ADGRG6: variants seen among roughly 807,000 people sequenced by gnomAD.
ADGRG6 encodes adhesion G protein-coupled receptor G6.
A neutral mutation model predicts 142.4 loss-of-function variants in ADGRG6; 84 were observed. The observed-to-expected ratio is 0.59, with a 90% CI of 0.49 to 0.71. The LOEUF (loss-of-function observed/expected upper bound fraction) is 0.71. ADGRG6 is among the 30% of genes least tolerant of loss of function. ADGRG6 has a pLI of 0.00. For synonymous variants in ADGRG6, 521 were observed against 520.5 expected, an observed-to-expected ratio of 1.00 and a Z score of -0.01; for missense variants, 1,367 against 1,466.6, an observed-to-expected ratio of 0.93 and a Z score of 1.11.
intron 2 of ADGRG6, among the ~76,000 whole-genome samples, chr6:142,338,156 G>A (rs537761559): frequency 7.6e-4 from 114 of 150,924 alleles, no homozygotes; most frequent in African/African-American, 2.6e-3. Context: ...GAGTAGCTGC[G>A]ACTACAGGCG....
In ADGRG6 at chr6:142,397,538, A is replaced by G. The variant is rs1775263445; in HGVS notation, c.1425-75A>G. 14 of 1,392,614 alleles carry G rather than the reference A, an allele frequency of 1.0e-5. No individual in the cohort carries two copies. The East Asian group carries it at 3.3e-4, about 32-fold the overall frequency. 86.3% of individuals were successfully genotyped at this position (1,392,614 alleles called of 1,614,324 possible). A position where few individuals can be genotyped will look rare whatever the true frequency, so the allele number is the denominator to read the frequency against. Reference sequence around the variant, plus strand: ...GTGATGGTCATCCCTCTACATCCAAATACTCTGTTTCTCCTACCAAATGAC... The same window carrying G: ...GTGATGGTCATCCCTCTACATCCAAGTACTCTGTTTCTCCTACCAAATGAC... On this transcript the variant is annotated intron_variant, in intron 9 of 24. Coordinates refer to ENST00000367609, the MANE Select transcript of ADGRG6 (RefSeq NM_198569.3).
At chr6:142,387,116 A>G (rs1053319979) in intron 6 of ADGRG6, among the ~76,000 whole-genome samples, 1 of 152,168 alleles carries the variant, frequency 6.6e-6, no homozygotes, top group Non-Finnish European at 1.5e-5. Flanking sequence ...CTTTTCACAA[A>G]CAGATATTTC....
intron 4 of ADGRG6, among the ~76,000 whole-genome samples, chr6:142,380,120 G>C (rs1781695566): frequency 6.6e-6 from 1 of 152,120 alleles, no homozygotes. Context: ...GGAATGTCTG[G>C]GTTAAATAAA....
chr6:142,354,818 A>G (rs1379430291), intron 2 of ADGRG6, among the ~76,000 whole-genome samples: 1 of 152,244 alleles, frequency 6.6e-6, no homozygotes, highest in East Asian at 1.9e-4. Flanking sequence ...CTCAGTTTGC[A>G]TAATGGAACT....
intron 11 of ADGRG6, among the ~76,000 whole-genome samples, chr6:142,401,317 C>T (rs571110282): frequency 1.1e-3 from 175 of 152,214 alleles, no homozygotes; most frequent in African/African-American, 4.1e-3. Flanking sequence ...TTGGAAAATT[C>T]GTTGATTTAC....
intron 2 of ADGRG6, among the ~76,000 whole-genome samples, chr6:142,362,495 G>GTGTAGAAA (rs1224989396): frequency 1.3e-5 from 2 of 152,170 alleles, no homozygotes; most frequent in Non-Finnish European, 2.9e-5. Flanking sequence ...CCCTCCTCAA[G>GTGTAGAAA]TGTAGAAATG....
intron 2 of ADGRG6, among the ~76,000 whole-genome samples, chr6:142,341,427 A>AAT (rs1491525960): frequency 8.3e-6 from 1 of 120,640 alleles, no homozygotes; most frequent in Non-Finnish European, 1.6e-5. Context: ...ATAATTATAT[A>AAT]ATATATATAA....
intron 1 of ADGRG6, among the ~76,000 whole-genome samples, chr6:142,308,171 T>C (rs1346418106): frequency 1.3e-5 from 2 of 152,044 alleles, no homozygotes; most frequent in Non-Finnish European, 2.9e-5. Flanking sequence ...GAGTACTTGC[T>C]GAGTGTCAGG....
chr6:142,406,179 C>T (rs535973503), intron 15 of ADGRG6, among the ~76,000 whole-genome samples: 1 of 112,962 alleles, frequency 8.9e-6, no homozygotes, highest in Admixed American at 1.2e-4. Flanking sequence ...AATTGCACAC[C>T]AAAGGAAAGG....
chr6:142,377,675 A>T (rs1427043082), intron 4 of ADGRG6, among the ~76,000 whole-genome samples: 1 of 152,210 alleles, frequency 6.6e-6, no homozygotes, highest in Non-Finnish European at 1.5e-5. Context: ...TATCCAGGAG[A>T]GTGGATTGTT....
Position 142,307,333 on chromosome 6 carries a change from A to G in ADGRG6, c.3-2211A>G, listed in dbSNP as rs191429584. Among the ~76,000 whole-genome samples, 218 of 151,980 alleles carry G rather than the reference A, an allele frequency of 1.4e-3. 2 individuals carry two copies. Among genetic ancestry groups the G allele is most frequent in the African/African-American group, 5.0e-3 (208 of 41,476 alleles). ...TTGGTCTGTCTCTTTATTTTTCTGG[A>G]CCTAAGTTTCCTTTTTTTGTGAAAT... On this transcript the variant is annotated intron_variant, in intron 1 of 24. Coordinates refer to ENST00000367609, the MANE Select transcript of ADGRG6 (RefSeq NM_198569.3).
At chr6:142,350,517 G>A (rs1436142851) in intron 2 of ADGRG6, among the ~76,000 whole-genome samples, 1 of 152,176 alleles carries the variant, frequency 6.6e-6, no homozygotes, top group African/African-American at 2.4e-5. Context: ...ACCTGTGTGA[G>A]GAAGTTTATA....
At chr6:142,327,747 A>G (rs1226164871) in intron 2 of ADGRG6, among the ~76,000 whole-genome samples, 1 of 152,088 alleles carries the variant, frequency 6.6e-6, no homozygotes, top group Non-Finnish European at 1.5e-5. Flanking sequence ...CTTTTTTACA[A>G]ATCTTTTGAG....
In ADGRG6 at chr6:142,410,678, G is replaced by A. The variant is rs181555658; in HGVS notation, c.2435-627G>A. ...AAGACAGGAGTTTTTTGGTGGAGGG[G>A]TTTAGTTGCATAATTTTGAGAAGAT... On this transcript the variant is annotated intron_variant, in intron 17 of 24. Transcript: ENST00000367609. Among the ~76,000 whole-genome samples, 254 of 152,090 alleles carry A rather than the reference G, an allele frequency of 1.7e-3. 1 individual carries two copies. The highest frequency in any genetic ancestry group is 2.4e-3 in the Admixed American group (37 of 15,248).
intron 2 of ADGRG6, among the ~76,000 whole-genome samples, chr6:142,322,316 C>T (rs1778557035): frequency 6.6e-6 from 1 of 152,058 alleles, no homozygotes; most frequent in Non-Finnish European, 1.5e-5. Context: ...GGGAGAATTC[C>T]TTGAGCTGGG....
intron 2 of ADGRG6, among the ~76,000 whole-genome samples, chr6:142,319,564 CTT>C (rs926448093): frequency 2.0e-5 from 3 of 152,012 alleles, no homozygotes; most frequent in African/African-American, 7.2e-5. Flanking sequence ...ACTAATATGA[CTT>C]TTTTTGTTTC....
chr6:142,438,037 A>C (rs150668790), intron 23 of ADGRG6, 175 bp from the exon 24 acceptor site: 79 of 480,812 alleles, frequency 1.6e-4, no homozygotes, highest in African/African-American at 1.4e-3. Flanking sequence ...TACAAGGTCA[A>C]AGTAAGAAAT....
intron 2 of ADGRG6, among the ~76,000 whole-genome samples, chr6:142,334,018 A>G (rs1779192255): frequency 6.6e-6 from 1 of 152,190 alleles, no homozygotes; most frequent in East Asian, 1.9e-4. Context: ...CCACTGATAA[A>G]TGATATCAGA....
At chr6:142,326,093 A>G (rs1455926303) in intron 2 of ADGRG6, among the ~76,000 whole-genome samples, 1 of 152,086 alleles carries the variant, frequency 6.6e-6, no homozygotes, top group African/African-American at 2.4e-5. Context: ...TTTGCAAAAT[A>G]TGCATGCCTG....
Sources: allele counts gnomAD v4.1 joint callset (sites outside exome capture counted in the v4.1 genomes callset), GRCh38; gene constraint gnomAD v4.1.1; transcripts MANE v1.5; gene names NCBI Gene and HGNC (gene_info 2026-07-23, HGNC 2026-07-21).